The following TMC1 variants were observed in gnomAD, a reference collection of about 807,000 sequenced individuals.
The protein encoded by TMC1 is transmembrane channel like 1, also known as transmembrane channel-like protein 1.
A neutral mutation model predicts 105.8 loss-of-function variants in TMC1; 84 were observed. The observed-to-expected ratio is 0.79, with a 90% CI of 0.67 to 0.95. The LOEUF (loss-of-function observed/expected upper bound fraction) is 0.95, where lower values mean the gene tolerates loss of function less well. Among genes scored for constraint, TMC1 ranks in the 40% least tolerant of loss-of-function variants. The pLI is 0.00. For synonymous variants in TMC1, 315 were observed against 311.5 expected (o/e 1.01, Z -0.12); for missense variants, 817 against 914.1 (o/e 0.89, Z 1.37).
At chr9:72,771,410 T>G (rs889385597) in intron 12 of TMC1, among the ~76,000 whole-genome samples, 1 of 152,192 alleles carries the variant, frequency 6.6e-6, no homozygotes, top group Non-Finnish European at 1.5e-5. Context: ...TACTTTCTTT[T>G]CCACACCTCC....
intron 1 of TMC1, among the ~76,000 whole-genome samples, chr9:72,563,396 A>G (rs552044595): frequency 2.6e-5 from 4 of 152,340 alleles, no homozygotes; most frequent in East Asian, 3.9e-4. Context: ...CAAGGGGCCA[A>G]TTCATTAAAC....
intron 8 of TMC1, among the ~76,000 whole-genome samples, chr9:72,704,559 G>T (rs141962033): frequency 1.3e-5 from 2 of 152,146 alleles, no homozygotes; most frequent in Non-Finnish European, 1.5e-5. Context: ...GGAATTGGTT[G>T]TGAATCCATA....
chr9:72,679,382 C>G (rs1036090887), intron 5 of TMC1, among the ~76,000 whole-genome samples: 4 of 152,168 alleles, frequency 2.6e-5, no homozygotes, highest in South Asian at 2.1e-4. Flanking sequence ...TCTTACCAAC[C>G]CATCCACCTT....
chr9:72,583,729 A>G (rs1028759672), intron 2 of TMC1, among the ~76,000 whole-genome samples: 1 of 152,216 alleles, frequency 6.6e-6, no homozygotes, highest in African/African-American at 2.4e-5. Context: ...ATGGCTATGT[A>G]AGACATTATG....
chr9:72,610,943 C>T (rs964594821), intron 2 of TMC1, among the ~76,000 whole-genome samples: 4 of 152,134 alleles, frequency 2.6e-5, no homozygotes, highest in Admixed American at 6.6e-5. Context: ...GTGGTGGTAT[C>T]GAGCTAGAAA....
chr9:72,570,736 T>G (rs1285546767), intron 1 of TMC1, among the ~76,000 whole-genome samples: 4 of 125,190 alleles, frequency 3.2e-5, no homozygotes, highest in Non-Finnish European at 6.3e-5. Context: ...TCACCCAGGC[T>G]GGAGTGCAGT....
chr9:72,571,607 C>T (rs77422780), intron 1 of TMC1, among the ~76,000 whole-genome samples: 18,796 of 151,608 alleles, frequency 0.12, 1,335 homozygotes, highest in Non-Finnish European at 0.17. Context: ...CCGCCATGCC[C>T]AGCTAATTTT....
At chr9:72,526,661 T>G (rs1206211832) in intron 1 of TMC1, among the ~76,000 whole-genome samples, 2 of 152,198 alleles carry the variant, frequency 1.3e-5, no homozygotes, top group East Asian at 3.8e-4. Context: ...CTTTAAAAAA[T>G]GTAGCCAAGA....
In TMC1 at chr9:72,540,762, G is replaced by A. The variant is rs545209369; in HGVS notation, c.-428+18849G>A. Among the ~76,000 whole-genome samples the A allele has an allele frequency of 1.4e-4, 22 of 152,280 alleles. No homozygotes were observed. The Middle Eastern group carries it at 0.01, about 71-fold the overall frequency. On this transcript the variant is annotated intron_variant, in intron 1 of 23. Coordinates refer to ENST00000297784, the MANE Select transcript of TMC1 (RefSeq NM_138691.3). ...AGTGGCCACATGCTGTAGTGGTTAA[G>A]AGCACAGGCCCCGTAGCTGAACTTG...
chr9:72,528,803 A>G (rs2132055830), intron 1 of TMC1, among the ~76,000 whole-genome samples: 1 of 152,268 alleles, frequency 6.6e-6, no homozygotes, highest in East Asian at 1.9e-4. Flanking sequence ...TTGGGCTTGC[A>G]GACTGACCTT....
At chr9:72,695,890 T>A (rs1039267656) in intron 7 of TMC1, among the ~76,000 whole-genome samples, 28 of 152,320 alleles carry the variant, frequency 1.8e-4, no homozygotes, top group African/African-American at 6.7e-4. Context: ...TTTATTTATA[T>A]CTGCTTTTAA....
At chr9:72,676,835 G>A (rs146604308) in intron 5 of TMC1, among the ~76,000 whole-genome samples, 170 of 152,180 alleles carry the variant, frequency 1.1e-3, no homozygotes, top group African/African-American at 3.8e-3. Context: ...TTCATCCAAA[G>A]GAAATCAGGT....
intron 12 of TMC1, among the ~76,000 whole-genome samples, chr9:72,755,106 A>T (rs1827657993): frequency 6.7e-6 from 1 of 148,282 alleles, no homozygotes; most frequent in South Asian, 2.2e-4. Context: ...GAAAGAAAGA[A>T]AGAAAGAGAA....
intron 2 of TMC1, among the ~76,000 whole-genome samples, chr9:72,582,143 G>A (rs2132099556): frequency 6.6e-6 from 1 of 152,240 alleles, no homozygotes; most frequent in East Asian, 1.9e-4. Context: ...TTTTAGTGGA[G>A]ATGGGGTTTC....
At chr9:72,767,048 T>C (rs1291964282) in intron 12 of TMC1, among the ~76,000 whole-genome samples, 1 of 152,184 alleles carries the variant, frequency 6.6e-6, no homozygotes, top group Non-Finnish European at 1.5e-5. Flanking sequence ...CTTTCCTGTG[T>C]TGCGTCCTAC....
intron 3 of TMC1, among the ~76,000 whole-genome samples, chr9:72,618,382 A>G (rs1306092350): frequency 2.0e-5 from 3 of 152,154 alleles, no homozygotes; most frequent in African/African-American, 7.2e-5. Context: ...TCCATAATTA[A>G]GAAAAAAATA....
rs145298294 is a variant in TMC1, at chr9:72,645,317, G to A, written c.-52-3280G>A. Among the ~76,000 whole-genome samples the A allele has an allele frequency of 3.0e-3, 455 of 152,278 alleles. 3 individuals are homozygous for A. The highest frequency in any genetic ancestry group is 0.01 in the African/African-American group (435 of 41,558). On this transcript the variant is annotated intron_variant, in intron 4 of 23. Transcript: ENST00000297784. ...CAGATCAGCTGCAGGCAAGAGTAGAGCTTTTGACGGAAATTTTAAACAAGT... is the reference window on the plus strand; with the variant it reads ...CAGATCAGCTGCAGGCAAGAGTAGAACTTTTGACGGAAATTTTAAACAAGT...
chr9:72,731,406 G>T (rs1361107538), intron 8 of TMC1, among the ~76,000 whole-genome samples: 1 of 152,190 alleles, frequency 6.6e-6, no homozygotes, highest in Non-Finnish European at 1.5e-5. Flanking sequence ...AGAAGCTGTA[G>T]TGTTGGCCTA....
intron 8 of TMC1, among the ~76,000 whole-genome samples, chr9:72,709,413 T>G (rs1187369217): frequency 1.3e-5 from 2 of 152,132 alleles, no homozygotes; most frequent in Admixed American, 6.5e-5. Flanking sequence ...TTCTCTTTCT[T>G]GTGGAATAGT....
Sources: gnomAD v4.1 joint callset for allele counts (sites outside exome capture counted in the v4.1 genomes callset) on GRCh38, gnomAD v4.1.1 for gene constraint, MANE v1.5 for transcripts, NCBI Gene and HGNC (gene_info 2026-07-23, HGNC 2026-07-21) for gene names.